The following CNTN4 variants were observed in gnomAD, a reference collection of about 807,000 sequenced individuals.
CNTN4 encodes contactin 4, also known as contactin-4.
CNTN4 carries 77 observed loss-of-function variants against 122.5 expected under a neutral mutation model. The ratio of observed to expected loss-of-function variants is 0.63; its 90% CI spans 0.52 to 0.76. The LOEUF is 0.76. CNTN4 is among the 30% of genes least tolerant of loss of function. CNTN4 has a pLI of 0.00. For synonymous variants in CNTN4, 512 were observed against 447.0 expected, an observed-to-expected ratio of 1.15 and a Z score of -1.83; for missense variants, 1,256 against 1,259.1, an observed-to-expected ratio of 1.00 and a Z score of 0.04.
intron 12 of CNTN4, among the ~76,000 whole-genome samples, chr3:2,906,887 G>C (rs891009942): frequency 2.0e-5 from 3 of 151,408 alleles, no homozygotes; most frequent in African/African-American, 7.3e-5. Context: ...AAGAAAGATG[G>C]AGAAGTCATT....
At chr3:2,881,174 A>G (rs954760466) in intron 8 of CNTN4, among the ~76,000 whole-genome samples, 1 of 152,190 alleles carries the variant, frequency 6.6e-6, no homozygotes, top group African/African-American at 2.4e-5. Flanking sequence ...TCACAGTTTG[A>G]GGAGATCCTC....
chr3:2,987,322 A>G (rs895097557), intron 13 of CNTN4, among the ~76,000 whole-genome samples: 2 of 152,242 alleles, frequency 1.3e-5, no homozygotes, highest in African/African-American at 4.8e-5. Context: ...ATGCAATGGC[A>G]GAGCCAAGGA....
chr3:2,821,057 G>A (rs111260598), intron 7 of CNTN4, among the ~76,000 whole-genome samples: 1,999 of 146,394 alleles, frequency 0.014, 57 homozygotes, highest in African/African-American at 0.047. Flanking sequence ...TGCCTCCCAG[G>A]TTCAATCGAT....
At chr3:2,628,221 A>C (rs2082284583) in intron 4 of CNTN4, among the ~76,000 whole-genome samples, 1 of 152,162 alleles carries the variant, frequency 6.6e-6, no homozygotes, top group African/African-American at 2.4e-5. Context: ...TTTTAGCAGA[A>C]GTTATTTTTT....
chr3:2,708,727 T>TCTCTCACACACACA (rs1214979217), intron 4 of CNTN4, among the ~76,000 whole-genome samples: 42 of 150,894 alleles, frequency 2.8e-4, no homozygotes, highest in African/African-American at 8.5e-4. Flanking sequence ...CACGCGCGCA[T>TCTCTCACACACACA]CACACACACA....
At chr3:2,932,327 G>A (rs983072205) in intron 13 of CNTN4, among the ~76,000 whole-genome samples, 8 of 152,162 alleles carry the variant, frequency 5.3e-5, no homozygotes, top group Non-Finnish European at 8.8e-5. Context: ...GCAGTGAGCC[G>A]AGATTGCACC....
At chr3:2,574,158 G>A (rs938396601) in intron 4 of CNTN4, among the ~76,000 whole-genome samples, 3 of 152,202 alleles carry the variant, frequency 2.0e-5, no homozygotes, top group Non-Finnish European at 4.4e-5. Flanking sequence ...GGAGGTTGCG[G>A]TGAGCCGAGA....
chr3:2,185,621 C>A lies in CNTN4; in HGVS notation c.-145+84982C>A, dbSNP rs375636467. On this transcript the variant is annotated intron_variant, in intron 2 of 24. Coordinates refer to ENST00000418658, the MANE Select transcript of CNTN4 (RefSeq NM_175607.3). ...TGGGTCAGTGGGCACTTCAGTTGTA[C>A]AATCATGAGCCCGGCTCTCAGTCTG... Among the ~76,000 whole-genome samples, 162 of 152,248 alleles carry A rather than the reference C, an allele frequency of 1.1e-3. 2 individuals carry two copies. Among genetic ancestry groups the A allele is most frequent in the African/African-American group, 3.7e-3 (152 of 41,556 alleles).
At chr3:2,352,316 G>C (rs554927646) in intron 3 of CNTN4, among the ~76,000 whole-genome samples, 2 of 152,318 alleles carry the variant, frequency 1.3e-5, no homozygotes, top group Admixed American at 1.3e-4. Flanking sequence ...ACTTCAGCCT[G>C]CCGCTGCACT....
intron 2 of CNTN4, among the ~76,000 whole-genome samples, chr3:2,224,946 G>A (rs1327811370): frequency 1.4e-5 from 2 of 142,020 alleles, no homozygotes; most frequent in Admixed American, 1.4e-4. Flanking sequence ...GTCAGGAGAT[G>A]AAGACTATCC....
chr3:2,396,642 A>T (rs1261241715), intron 3 of CNTN4, among the ~76,000 whole-genome samples: 1 of 150,576 alleles, frequency 6.6e-6, no homozygotes, highest in Non-Finnish European at 1.5e-5. Context: ...TTAAAACTCA[A>T]GTGTTATGTC....
In CNTN4 at chr3:2,736,262, G is replaced by A. The variant is rs567978105; in HGVS notation, c.103G>A (p.Val35Ile). The change falls in exon 5 of 25, where the codon GTA becomes ATA. Residue 35 changes from valine to isoleucine, a missense_variant. Transcript: ENST00000418658. ...GATTTTTATTCAAGAACCAAGTCCT[G>A]TAATGTTCCCTTTGGATTCTGAGGA... is the stretch of plus-strand genomic sequence containing the variant. ...GPIFIQEPSP[V>I]MFPLDSEEKK... 3 of 1,613,522 alleles carry A rather than the reference G, an allele frequency of 1.9e-6. No homozygotes were observed. The highest frequency in any genetic ancestry group is 2.2e-5 in the East Asian group (1 of 44,820).
intron 2 of CNTN4, among the ~76,000 whole-genome samples, chr3:2,169,258 G>A (rs1179459478): frequency 6.6e-6 from 1 of 152,064 alleles, no homozygotes; most frequent in Non-Finnish European, 1.5e-5. Context: ...TGCAAGAAGA[G>A]TTCAGTATTC....
intron 2 of CNTN4, among the ~76,000 whole-genome samples, chr3:2,214,538 C>G (rs867132655): frequency 1.3e-5 from 2 of 152,096 alleles, no homozygotes; most frequent in South Asian, 4.1e-4. Flanking sequence ...CAGACAGTTT[C>G]TCAGATTGAA....
chr3:2,613,208 A>T (rs1037612994), intron 4 of CNTN4, among the ~76,000 whole-genome samples: 1 of 152,110 alleles, frequency 6.6e-6, no homozygotes, highest in African/African-American at 2.4e-5. Flanking sequence ...AAAAAGTTCT[A>T]TGTATTTCCA....
chr3:2,418,303 G>C (rs1349736788), intron 3 of CNTN4, among the ~76,000 whole-genome samples: 2 of 151,184 alleles, frequency 1.3e-5, no homozygotes, highest in African/African-American at 2.4e-5. Context: ...AAGCTGCCTA[G>C]AAAAAATAAA....
At chr3:3,023,614 G>C (rs1456054780) in intron 14 of CNTN4, among the ~76,000 whole-genome samples, 1 of 152,180 alleles carries the variant, frequency 6.6e-6, no homozygotes. Context: ...AGGGACTGGA[G>C]CCTGGGCATT....
At chr3:2,380,246 T>C (rs927085654) in intron 3 of CNTN4, among the ~76,000 whole-genome samples, 3 of 152,228 alleles carry the variant, frequency 2.0e-5, no homozygotes, top group Admixed American at 2.0e-4. Context: ...TTCCTTTTTA[T>C]GTAAAATTTA....
chr3:3,007,684 T>C (rs1232011785), intron 14 of CNTN4, among the ~76,000 whole-genome samples: 1 of 152,220 alleles, frequency 6.6e-6, no homozygotes, highest in African/African-American at 2.4e-5. Context: ...TGGTAAAATA[T>C]CCACTTATCC....
Sources: gnomAD v4.1 joint callset for allele counts (sites outside exome capture counted in the v4.1 genomes callset) on GRCh38, gnomAD v4.1.1 for gene constraint, MANE v1.5 for transcripts, NCBI Gene and HGNC (gene_info 2026-07-23, HGNC 2026-07-21) for gene names.